KCNC3: variants seen among roughly 807,000 people sequenced by gnomAD.
KCNC3 encodes voltage-gated potassium channel KCNC3.
KCNC3 carries 22 observed loss-of-function variants against 43.9 expected under a neutral mutation model. That is an observed-to-expected ratio of 0.50 (90% CI 0.36 to 0.72). KCNC3 has a LOEUF of 0.72. Among genes scored for constraint, KCNC3 ranks in the 30% least tolerant of loss-of-function variants. The pLI is 0.00. For missense variants in KCNC3, 829 were observed against 1,073.8 expected (o/e 0.77, Z 3.19); for synonymous variants, 492 against 488.0 (o/e 1.01, Z -0.11).
At position 50,315,753 on chromosome 19, in the gene KCNC3, C is replaced by CCAAGAAGGCT. The variant is rs1222542566; in HGVS notation, c.*352_*361dup. The CCAAGAAGGCT allele has an allele frequency of 6.3e-6, 1 of 158,638 alleles. No homozygotes were observed. The highest frequency in any genetic ancestry group is 1.4e-5 in the Non-Finnish European group (1 of 72,492). The allele number at this position is 158,638 out of a possible 1,614,324, so 9.8% of individuals were successfully genotyped here. A position where few individuals can be genotyped will look rare whatever the true frequency, so the allele number is the denominator to read the frequency against. ...GGGGAGAGGGACATCTTTAAAGGGT[C>CCAAGAAGGCT]CAAGAAGGCTCTGAGCTTCTGACGG... On this transcript the variant is annotated 3_prime_UTR_variant, in exon 5 of 5. Coordinates refer to ENST00000477616, the MANE Select transcript of KCNC3 (RefSeq NM_004977.3).
At position 50,328,322 on chromosome 19, in the gene KCNC3, G is replaced by T; in HGVS notation, c.761C>A (p.Ala254Asp). The change falls in exon 1 of 5, where the codon GCC (alanine) becomes GAC (aspartate). Residue 254 changes from alanine (A) to aspartate (D), a missense_variant. This residue lies in a region of KCNC3 where 60 missense variants were observed against 56.0 expected (regional missense o/e 1.07). Transcript: ENST00000477616. ...RLCFQDAGGG[A>D]GGPPGGAGGA... Reference sequence around the variant, plus strand: ...GCCCGCGCCCCCTGGCGGCCCCCCGGCGCCGCCGCCCGCGTCCTGGAAGCA... The same window carrying T: ...GCCCGCGCCCCCTGGCGGCCCCCCGTCGCCGCCGCCCGCGTCCTGGAAGCA... 1 of 1,134,690 alleles carries T rather than the reference G, an allele frequency of 8.8e-7. No homozygotes were observed. The highest frequency in any genetic ancestry group is 1.1e-6 in the Non-Finnish European group (1 of 929,096). 70.3% of individuals were successfully genotyped at this position (1,134,690 alleles called of 1,614,324 possible).
At chr19:50,320,493 G>A (rs2037016116) in intron 3 of KCNC3, 100 bp downstream of exon 3, 4 of 1,155,026 alleles carry the variant, frequency 3.5e-6, no homozygotes, top group East Asian at 2.6e-5. Flanking sequence ...GAAGGGGGAA[G>A]GGAAGTCCAC....
In KCNC3 at chr19:50,324,108, G is replaced by A; in HGVS notation, c.871-26C>T. 6.4e-7 allele frequency: 1 copy of A among 1,560,466 alleles called. No individual in the cohort carries two copies. The highest frequency in any genetic ancestry group is 8.7e-7 in the Non-Finnish European group (1 of 1,153,428). ...CTGCAGGGCAGGGAGGGAGAGAGAG[G>A]GGGAGAGGTGACCTAGGCATCAGGT... On this transcript the variant is annotated intron_variant, in intron 1 of 4. Transcript: ENST00000477616. The surrounding 1 kb of genome is among the most constrained non-coding windows in gnomAD (Gnocchi z 4.1).
In KCNC3 at chr19:50,323,913, A is replaced by G; in HGVS notation, c.1040T>C (p.Phe347Ser). The change falls in exon 2 of 5, where the codon TTC becomes TCC. Residue 347 changes from phenylalanine (F) to serine (S), a missense_variant. By Grantham distance (155) the Phe-to-Ser change is radical. Coordinates refer to ENST00000477616, the MANE Select transcript of KCNC3 (RefSeq NM_004977.3). Reference sequence around the variant, plus strand: ...GCACACCCCCTCCACGTAGGTCAGGAAGGGCTCCGTCTCCACCTCCACGTT... The same window carrying G: ...GCACACCCCCTCCACGTAGGTCAGGGAGGGCTCCGTCTCCACCTCCACGTT... ...ITNVEVETEP[F>S]LTYVEGVCVV... 1.2e-6 allele frequency: 2 copies of G among 1,614,160 alleles called. No individual in the cohort carries two copies. Among genetic ancestry groups the G allele is most frequent in the Non-Finnish European group, 1.7e-6 (2 of 1,180,040 alleles).
upstream of KCNC3, chr19:50,329,589 A>G (rs1005513395): frequency 1.3e-5 from 2 of 152,266 alleles, no homozygotes; most frequent in African/African-American, 4.8e-5. Flanking sequence ...GCGGAGAGAA[A>G]CAAAACAGAT....
upstream of KCNC3, chr19:50,329,711 G>GA (rs1365248475): frequency 1.3e-5 from 2 of 152,456 alleles, no homozygotes. Flanking sequence ...TGCATGGGGC[G>GA]GGAACTAGAG....
chr19:50,330,069 C>G (rs1393057505), upstream of KCNC3, among the ~76,000 whole-genome samples: 5 of 152,102 alleles, frequency 3.3e-5, no homozygotes, highest in Non-Finnish European at 5.9e-5. Flanking sequence ...GAGTTCGAGA[C>G]CAGCCCGGCC....
intron 2 of KCNC3, among the ~76,000 whole-genome samples, chr19:50,321,926 T>C (rs1340898953): frequency 1.3e-5 from 2 of 151,670 alleles, no homozygotes; most frequent in Non-Finnish European, 2.9e-5. Flanking sequence ...GGAGAGGATG[T>C]GGCAAGCTAG....
At position 50,323,866 on chromosome 19, in the gene KCNC3, A is replaced by T; in HGVS notation, c.1087T>A (p.Phe363Ile). The T allele has an allele frequency of 1.2e-6, 2 of 1,614,090 alleles. No individual in the cohort carries two copies. Among genetic ancestry groups the T allele is most frequent in the Non-Finnish European group, 1.7e-6 (2 of 1,180,008 alleles). ...GVCVVWFTFE[F>I]LMRITFCPDK... is the part of the protein sequence containing the mutation. ...GGGCAGAAGGTGATGCGCATGAGGA[A>T]CTCGAAGGTGAACCAGACCACGCAC... Residue 363 changes from phenylalanine (F) to isoleucine (I), a missense_variant, in exon 2 of 5, where the codon TTC becomes ATC. Phe to Ile is a conservative substitution (Grantham distance 21). Around this residue, in one of 7 missense-constraint regions of KCNC3, gnomAD observed 157 missense variants for 293.5 expected, o/e 0.53. Coordinates refer to ENST00000477616, the MANE Select transcript of KCNC3 (RefSeq NM_004977.3).
In KCNC3 at chr19:50,320,578, G is replaced by T. The variant is rs753228810; in HGVS notation, c.2170+15C>A. ...GAGGGAGGGTCCCAGGGGATCAGTA[G>T]GGGGGGCACCTCACCTTTTCGGATG... On this transcript the variant is annotated intron_variant, in intron 3 of 4. Coordinates refer to ENST00000477616, the MANE Select transcript of KCNC3 (RefSeq NM_004977.3). 14 of 1,606,690 alleles carry T rather than the reference G, an allele frequency of 8.7e-6. No individual in the cohort carries two copies. Among genetic ancestry groups the T allele is most frequent in the Non-Finnish European group, 1.1e-5 (13 of 1,177,008 alleles).
At position 50,323,813 on chromosome 19, in the gene KCNC3, G is replaced by A. The variant is rs1426625412; in HGVS notation, c.1140C>T (p.Ser380=). 2 of 1,614,206 alleles carry A rather than the reference G, an allele frequency of 1.2e-6. No individual in the cohort carries two copies. Among genetic ancestry groups the A allele is most frequent in the South Asian group, 1.1e-5 (1 of 91,086 alleles). The change falls in exon 2 of 5, where the codon AGC becomes AGT. Residue 380 remains serine, a synonymous_variant. Transcript: ENST00000477616. ...TGGCCACACAGTCGATGATGTTGAG[G>A]CTGCTTTTAAGAAACTCCACCTTGT... ...CPDKVEFLKS[S]LNIIDCVAIL...
rs755774268 is a variant in KCNC3, at chr19:50,323,516, G to A, written c.1437C>T (p.Ile479=). ...TGAAGTAGGTGTGGTTGGAGCCCAG[G>A]ATGTCATCGGGGTCGGCGCCAATGC... ...AERIGADPDD[I]LGSNHTYFKN... is the part of the protein sequence containing the mutation. The change falls in exon 2 of 5, where the codon ATC becomes ATT. Residue 479 remains isoleucine, a synonymous_variant. Transcript: ENST00000477616. 2 of 1,614,238 alleles carry A rather than the reference G, an allele frequency of 1.2e-6. No individual in the cohort carries two copies. The highest frequency in any genetic ancestry group is 3.3e-4 in the Middle Eastern group (2 of 6,062).
In KCNC3 at chr19:50,328,787, T is replaced by G; in HGVS notation, c.296A>C (p.His99Pro). The part of the protein sequence containing the change: ...KIVINVGGVR[H>P]ETYRSTLRTL... ...GCGCAGCGTCGAGCGGTACGTCTCA[T>G]GGCGCACGCCGCCCACGTTGATCAC... is the stretch of plus-strand genomic sequence containing the variant. The change falls in exon 1 of 5, where the codon CAT becomes CCT. Residue 99 changes from histidine to proline, a missense_variant. By Grantham distance (77) the His-to-Pro change is moderately conservative (BLOSUM62 -2). This residue lies in a region of KCNC3 where 121 missense variants were observed against 247.4 expected (regional missense o/e 0.49). Coordinates refer to ENST00000477616, the MANE Select transcript of KCNC3 (RefSeq NM_004977.3). The G allele has an allele frequency of 6.4e-7, 1 of 1,567,998 alleles. No individual in the cohort carries two copies. Among genetic ancestry groups the G allele is most frequent in the Non-Finnish European group, 8.6e-7 (1 of 1,159,602 alleles).
chr19:50,322,907 C>T (rs1459492871), intron 2 of KCNC3, 68 bp downstream of exon 2: 27 of 1,487,850 alleles, frequency 1.8e-5, no homozygotes, highest in Middle Eastern at 4.4e-4. Context: ...CTCTGAACCC[C>T]GGCAGCTACC....
upstream of KCNC3, among the ~76,000 whole-genome samples, chr19:50,330,958 G>A (rs574657072): frequency 6.6e-6 from 1 of 151,970 alleles, no homozygotes; most frequent in Non-Finnish European, 1.5e-5. Flanking sequence ...AAGGGGGCGG[G>A]TCAGGGGGCT....
At chr19:50,320,847 T>A in intron 2 of KCNC3, 63 bp from the exon 3 acceptor site, 1 of 1,501,574 alleles carries the variant, frequency 6.7e-7, no homozygotes, top group South Asian at 1.1e-5. Flanking sequence ...GAACACGCGG[T>A]GGGGCAAGAT....
At chr19:50,318,395 G>A (rs924924652) in intron 4 of KCNC3, among the ~76,000 whole-genome samples, 3 of 151,178 alleles carry the variant, frequency 2.0e-5, no homozygotes, top group Admixed American at 1.3e-4. Flanking sequence ...GGCTGGTCTC[G>A]AACTCCTGAC....
At chr19:50,331,803 CTCTCTT>C (rs1260827321), upstream of KCNC3, among the ~76,000 whole-genome samples, 10 of 152,224 alleles carry the variant, frequency 6.6e-5, no homozygotes, top group East Asian at 1.7e-3. Context: ...TTCTGGGTCT[CTCTCTT>C]TCTAGGTCTC....
At position 50,328,592 on chromosome 19, in the gene KCNC3, C is replaced by G. The variant is rs760554748; in HGVS notation, c.491G>C (p.Gly164Ala). The G allele has an allele frequency of 6.2e-7, 1 of 1,611,280 alleles. No individual in the cohort carries two copies. Residue 164 changes from glycine to alanine, a missense_variant, in exon 1 of 5, where the codon GGG becomes GCG. Gly to Ala is a moderately conservative substitution (Grantham distance 60, BLOSUM62 0). Coordinates refer to ENST00000477616, the MANE Select transcript of KCNC3 (RefSeq NM_004977.3). ...GKLHCPADVC[G>A]PLFEEELGFW... Reference sequence around the variant, plus strand: ...GCCGAGCTCCTCCTCAAACAGGGGCCCGCACACGTCGGCTGGGCAGTGCAG... The same window carrying G: ...GCCGAGCTCCTCCTCAAACAGGGGCGCGCACACGTCGGCTGGGCAGTGCAG...
Sources: gnomAD v4.1 joint callset for allele counts (sites outside exome capture counted in the v4.1 genomes callset) on GRCh38, gnomAD v4.1.1 for gene constraint, gnomAD v4.1.1 regional missense constraint, Gnocchi (gnomAD v3.1) non-coding constraint, MANE v1.5 for transcripts, NCBI Gene and HGNC (gene_info 2026-07-23, HGNC 2026-07-21) for gene names.